Variants in FBXO32 observed in about 807,000 individuals in gnomAD.
The protein encoded by FBXO32 is F-box protein 32, also known as F-box only protein 32.
A neutral mutation model predicts 48.3 loss-of-function variants in FBXO32; 15 were observed. That is an observed-to-expected ratio of 0.31 (90% CI 0.21 to 0.48). The LOEUF is 0.48. Ranked by LOEUF, FBXO32 falls within the 20% of genes least tolerant of loss-of-function variation. The probability of loss-of-function intolerance (pLI) is 0.99; values close to 1 mark genes in which losing one functional copy is unlikely to be tolerated. For missense variants in FBXO32, 309 were observed against 432.7 expected, an observed-to-expected ratio of 0.71 and a Z score of 2.54; for synonymous variants, 154 against 165.9, an observed-to-expected ratio of 0.93 and a Z score of 0.55.
intron 2 of FBXO32, 77 bp downstream of exon 2, chr8:123,534,625 T>C (rs1817275496): frequency 2.3e-6 from 2 of 885,312 alleles, no homozygotes; most frequent in South Asian, 3.0e-5. Flanking sequence ...ATGGGAGGTG[T>C]TATTTTTTTT....
intron 2 of FBXO32, among the ~76,000 whole-genome samples, 185 bp downstream of exon 2, chr8:123,534,517 A>G (rs1286792395): frequency 6.6e-6 from 1 of 152,244 alleles, no homozygotes; most frequent in East Asian, 1.9e-4. Flanking sequence ...AGAACATGTT[A>G]ATCTTGCTTG....
At position 123,540,907 on chromosome 8, in the gene FBXO32, G is replaced by A. The variant is rs1817397587; in HGVS notation, c.108C>T (p.Asp36=). 6.2e-7 allele frequency: 1 copy of A among 1,613,262 alleles called. No individual in the cohort carries two copies. The change falls in exon 1 of 9, where the codon GAC becomes GAT. Residue 36 remains aspartate (D), a synonymous_variant. Coordinates refer to ENST00000517956, the MANE Select transcript of FBXO32 (RefSeq NM_058229.4). This position sits in a 1 kb window ranked among gnomAD's most constrained non-coding sequence, Gnocchi z 6.4. ...GTAGCGGGTCCCCTCACCTGCTGAG[G>A]TCGCTCACGAAACTGCCGCTCTTCT... is the stretch of plus-strand genomic sequence containing the variant. ...LDEKSGSFVS[D]LSSYCNKEVY... is the part of the protein sequence containing the mutation.
chr8:123,532,060 G>T, intron 3 of FBXO32, 70 bp from the exon 4 acceptor site: 1 of 1,596,612 alleles, frequency 6.3e-7, no homozygotes, highest in Non-Finnish European at 8.5e-7. Context: ...GAATGAGCCA[G>T]TTAGAACAAC....
rs569598155 is a variant in FBXO32 at position 123,503,356 on chromosome 8, T to C, written c.*17A>G. The stretch of plus-strand genomic sequence containing the variant: ...TCAGCAGGGGGACCCTTCTGAAGTG[T>C]TGTCATGTGCTGGGATTCAGAACTT... On this transcript the variant is annotated 3_prime_UTR_variant, in exon 9 of 9. Transcript: ENST00000517956. 179 of 1,609,430 alleles carry C rather than the reference T, an allele frequency of 1.1e-4. 1 individual carries two copies. The highest frequency in any genetic ancestry group is 1.4e-4 in the Non-Finnish European group (159 of 1,175,840).
intron 4 of FBXO32, among the ~76,000 whole-genome samples, chr8:123,528,403 G>GC (rs1817132070): frequency 6.6e-6 from 1 of 152,214 alleles, no homozygotes; most frequent in African/African-American, 2.4e-5. Flanking sequence ...AATCCTTCCA[G>GC]TTCCTCAAGG....
chr8:123,527,579 T>C (rs1157051123), intron 4 of FBXO32, among the ~76,000 whole-genome samples: 2 of 152,210 alleles, frequency 1.3e-5, no homozygotes, highest in African/African-American at 2.4e-5. Context: ...AAAAGTTCCA[T>C]TGCAAATAGG....
In FBXO32 at chr8:123,540,899, C is replaced by A. The variant is rs1278285915; in HGVS notation, c.116G>T (p.Ser39Ile). The change falls in exon 1 of 9, where the codon AGT (serine) becomes ATT (isoleucine). Residue 39 changes from serine (S) to isoleucine (I), a missense_variant and splice_region_variant. Physicochemically the swap from Ser to Ile is moderately radical, Grantham distance 142 (BLOSUM62 -2). Transcript: ENST00000517956. This position sits in a 1 kb window ranked among gnomAD's most constrained non-coding sequence, Gnocchi z 6.4. ...GGAAGTTGGTAGCGGGTCCCCTCAC[C>A]TGCTGAGGTCGCTCACGAAACTGCC... ...KSGSFVSDLS[S>I]YCNKEVYNKE... 6.2e-7 allele frequency: 1 copy of A among 1,612,964 alleles called. No homozygotes were observed. The highest frequency in any genetic ancestry group is 8.5e-7 in the Non-Finnish European group (1 of 1,179,332).
At chr8:123,515,030 G>C (rs914912686) in intron 4 of FBXO32, among the ~76,000 whole-genome samples, 2 of 152,144 alleles carry the variant, frequency 1.3e-5, no homozygotes, top group Admixed American at 6.5e-5. Context: ...CCGTGATGAT[G>C]GGCAAGTTAC....
intron 8 of FBXO32, among the ~76,000 whole-genome samples, chr8:123,504,054 T>G (rs1444853690): frequency 7.1e-6 from 1 of 141,602 alleles, no homozygotes; most frequent in Admixed American, 7.5e-5. Flanking sequence ...CACTCCAACC[T>G]GGGTGACAGA....
Position 123,506,919 on chromosome 8 carries a change from G to C in FBXO32, c.652-345C>G, listed in dbSNP as rs533554244. ...GCTTTCCTGAAGGCCTCACTGCCCTGGATGGAGTGGCCCAGCCTGCCACCC... is the reference window on the plus strand; with the variant it reads ...GCTTTCCTGAAGGCCTCACTGCCCTCGATGGAGTGGCCCAGCCTGCCACCC... On this transcript the variant is annotated intron_variant, in intron 6 of 8. Transcript: ENST00000517956. This position sits in a 1 kb window ranked among gnomAD's most constrained non-coding sequence, Gnocchi z 4.0. Among the ~76,000 whole-genome samples, 1 of 152,296 alleles carries C rather than the reference G, an allele frequency of 6.6e-6. No homozygotes were observed. The highest frequency in any genetic ancestry group is 1.9e-4 in the East Asian group (1 of 5,186).
At chr8:123,536,717 G>T (rs555505650) in intron 1 of FBXO32, among the ~76,000 whole-genome samples, 107 of 152,296 alleles carry the variant, frequency 7.0e-4, no homozygotes, top group African/African-American at 2.5e-3. Flanking sequence ...ATAAAATGAG[G>T]TTGTCTTATT....
chr8:123,516,396 T>C (rs1159846514), intron 4 of FBXO32, among the ~76,000 whole-genome samples: 4 of 152,108 alleles, frequency 2.6e-5, no homozygotes, highest in Non-Finnish European at 4.4e-5. Context: ...CCTAGGAAAC[T>C]TTCTAAGAGA....
chr8:123,504,489 TG>T, intron 8 of FBXO32, 114 bp downstream of exon 8: 2 of 504,074 alleles, frequency 4.0e-6, no homozygotes, highest in Non-Finnish European at 2.9e-6. Context: ...CACTTTCAGC[TG>T]GGGGCTGTGA....
At chr8:123,538,892 A>C (rs112998694) in intron 1 of FBXO32, among the ~76,000 whole-genome samples, 2,232 of 152,332 alleles carry the variant, frequency 0.015, 54 homozygotes, top group African/African-American at 0.05. Flanking sequence ...GTGGTAAGTT[A>C]AGACCATCTT....
chr8:123,541,026 C>T lies in FBXO32; in HGVS notation c.-12G>A, dbSNP rs767759058. On this transcript the variant is annotated 5_prime_UTR_variant, in exon 1 of 9. Coordinates refer to ENST00000517956, the MANE Select transcript of FBXO32 (RefSeq NM_058229.4). The stretch of plus-strand genomic sequence containing the variant: ...CCGAGGAATGGCATGGCACCGCGAG[C>T]GGACTAGACGGATGGGGAGACGGGG... The T allele has an allele frequency of 3.2e-6, 5 of 1,569,490 alleles. No individual in the cohort carries two copies. The South Asian group carries it at 5.6e-5, about 18-fold the overall frequency.
chr8:123,503,685 G>A (rs1816548594), intron 8 of FBXO32, among the ~76,000 whole-genome samples: 1 of 152,316 alleles, frequency 6.6e-6, no homozygotes, highest in African/African-American at 2.4e-5. Context: ...AAAGGAAGGG[G>A]ATGCAGAGAA....
chr8:123,538,012 G>A (rs186932580), intron 1 of FBXO32, among the ~76,000 whole-genome samples: 524 of 152,184 alleles, frequency 3.4e-3, no homozygotes, highest in Non-Finnish European at 4.3e-3. Flanking sequence ...CCCAATTCAC[G>A]CCAAGCTCTT....
At chr8:123,534,844 G>T in intron 1 of FBXO32, 30 bp from the exon 2 acceptor site, 2 of 1,406,100 alleles carry the variant, frequency 1.4e-6, no homozygotes, top group Non-Finnish European at 2.0e-6. Flanking sequence ...AAGAGGATGA[G>T]CTGTAACAGC....
rs759766806 is a variant in FBXO32, at chr8:123,506,620, G to A, written c.652-46C>T. 2.7e-6 allele frequency: 4 copies of A among 1,503,908 alleles called. No individual in the cohort carries two copies. Among genetic ancestry groups the A allele is most frequent in the South Asian group, 2.5e-5 (2 of 78,898 alleles). 93.2% of individuals were successfully genotyped at this position (1,503,908 alleles called of 1,614,324 possible). A position where few individuals can be genotyped will look rare whatever the true frequency, so the allele number is the denominator to read the frequency against. On this transcript the variant is annotated intron_variant, in intron 6 of 8. Coordinates refer to ENST00000517956, the MANE Select transcript of FBXO32 (RefSeq NM_058229.4). The surrounding 1 kb of genome is among the most constrained non-coding windows in gnomAD (Gnocchi z 4.0). ...ATAGGTGGGGGGGCCAGAGAGCAGC[G>A]ATTCACCAGGCCACACCCTCCAGGC...
Sources: allele counts gnomAD v4.1 joint callset (sites outside exome capture counted in the v4.1 genomes callset), GRCh38; gene constraint gnomAD v4.1.1; non-coding constraint Gnocchi (gnomAD v3.1); transcripts MANE v1.5; gene names NCBI Gene and HGNC (gene_info 2026-07-23, HGNC 2026-07-21).